SCN4B: variants seen among roughly 807,000 people sequenced by gnomAD.
SCN4B encodes sodium channel regulatory subunit beta-4.
SCN4B carries 20 observed loss-of-function variants against 19.6 expected under a neutral mutation model. The observed-to-expected ratio is 1.02, with a 90% CI of 0.72 to 1.48. The LOEUF is 1.48. Ranked by LOEUF, SCN4B falls within the 40% of genes most tolerant of loss-of-function variation. The pLI is 0.00. For synonymous variants in SCN4B, 127 were observed against 122.8 expected (o/e 1.03, Z -0.22); for missense variants, 271 against 287.5 (o/e 0.94, Z 0.42).
intron 1 of SCN4B, among the ~76,000 whole-genome samples, chr11:118,150,298 G>T (rs1349025983): frequency 6.6e-6 from 1 of 152,148 alleles, no homozygotes; most frequent in Non-Finnish European, 1.5e-5. Flanking sequence ...TTTAAGAAAA[G>T]GGTATTTTGT....
At chr11:118,144,315 C>T (rs1261980053) in intron 2 of SCN4B, among the ~76,000 whole-genome samples, 3 of 152,192 alleles carry the variant, frequency 2.0e-5, no homozygotes, top group Non-Finnish European at 4.4e-5. Flanking sequence ...GAATGCAGCA[C>T]AGCTCTTACT....
At position 118,137,041 on chromosome 11, in the gene SCN4B, G is replaced by A. The variant is rs1352900290; in HGVS notation, c.673C>T (p.Pro225Ser). ...CGAAGCAGGGCTCACACTTTTGAAG[G>A]TGGTTTCTCCTCTGCCTTGGAGCCA... is the stretch of plus-strand genomic sequence containing the variant. ...LPGSKAEEKP[P>S]SKV The change falls in exon 5 of 5, where the codon CCT becomes TCT. Residue 225 changes from proline (P) to serine (S), a missense_variant. Physicochemically the swap from Pro to Ser is moderately conservative, Grantham distance 74. Coordinates refer to ENST00000324727, the MANE Select transcript of SCN4B (RefSeq NM_174934.4). 1 of 1,613,340 alleles carries A rather than the reference G, an allele frequency of 6.2e-7. No individual in the cohort carries two copies.
At chr11:118,146,053 C>A (rs1948170139) in intron 1 of SCN4B, among the ~76,000 whole-genome samples, 1 of 152,038 alleles carries the variant, frequency 6.6e-6, no homozygotes, top group Admixed American at 6.5e-5. Context: ...CCGGGCCAGC[C>A]CGAGTGCACG....
Position 118,134,140 on chromosome 11 carries a change from G to T in SCN4B, c.*2887C>A, listed in dbSNP as rs1947958008. The T allele has an allele frequency of 2.2e-6, 1 of 454,300 alleles. No homozygotes were observed. Among genetic ancestry groups the T allele is most frequent in the Non-Finnish European group, 4.4e-6 (1 of 226,798 alleles). The allele number at this position is 454,300 out of a possible 1,614,324, so 28.1% of individuals were successfully genotyped here. ...GAGCCCCATCGGCTGCTCTCCCCAG[G>T]CCTCTCTAACATCAGGGGTTTATTC... On this transcript the variant is annotated 3_prime_UTR_variant, in exon 5 of 5. Transcript: ENST00000324727.
intron 1 of SCN4B, 121 bp from the exon 2 acceptor site, chr11:118,145,350 A>G: frequency 6.4e-7 from 1 of 1,552,586 alleles, no homozygotes; most frequent in Non-Finnish European, 8.7e-7. Flanking sequence ...CCTCAGTGCC[A>G]ACCTCGGGAG....
intron 2 of SCN4B, among the ~76,000 whole-genome samples, chr11:118,144,431 A>G (rs1213717916): frequency 6.6e-6 from 1 of 152,032 alleles, no homozygotes; most frequent in South Asian, 2.1e-4. Flanking sequence ...CACCTGCCCA[A>G]CTGAATTTTG....
intron 1 of SCN4B, 109 bp downstream of exon 1, chr11:118,152,504 C>T: frequency 1.1e-6 from 1 of 929,268 alleles, no homozygotes; most frequent in African/African-American, 1.6e-5. Context: ...ATCCTCATTC[C>T]GTGCCGCACT....
rs1390526501 is a variant in SCN4B, at chr11:118,134,564, T to C, written c.*2463A>G. On this transcript the variant is annotated 3_prime_UTR_variant, in exon 5 of 5. Transcript: ENST00000324727. Reference sequence around the variant, plus strand: ...GCAACCAAAAATGCCCCCCCTACAATCTCAGTCACCTCTATTGAAAACCAT... The same window carrying C: ...GCAACCAAAAATGCCCCCCCTACAACCTCAGTCACCTCTATTGAAAACCAT... 6.6e-6 allele frequency: 3 copies of C among 453,962 alleles called. No individual in the cohort carries two copies. The highest frequency in any genetic ancestry group is 1.3e-5 in the Non-Finnish European group (3 of 226,790). 28.1% of individuals were successfully genotyped at this position (453,962 alleles called of 1,614,324 possible).
At chr11:118,138,808 A>G (rs1013005330) in intron 4 of SCN4B, among the ~76,000 whole-genome samples, 6 of 152,220 alleles carry the variant, frequency 3.9e-5, no homozygotes, top group Admixed American at 2.0e-4. Flanking sequence ...ACCAAGAAAG[A>G]TGAGCAGGAA....
chr11:118,141,447 CG>C (rs992286637), intron 3 of SCN4B, 111 bp from the exon 4 acceptor site: 1 of 1,338,646 alleles, frequency 7.5e-7, no homozygotes, highest in Non-Finnish European at 1.0e-6. Context: ...CCCTGGCATC[CG>C]GGGCACATCC....
At chr11:118,150,811 A>T (rs937209929) in intron 1 of SCN4B, among the ~76,000 whole-genome samples, 2 of 152,164 alleles carry the variant, frequency 1.3e-5, no homozygotes, top group Non-Finnish European at 2.9e-5. Flanking sequence ...GCTCAGACCA[A>T]TGCCCCTGTG....
rs1333445561 is a variant in SCN4B, at chr11:118,133,467, C to T, written c.*3560G>A. 8.8e-6 allele frequency: 4 copies of T among 453,444 alleles called. No homozygotes were observed. Among genetic ancestry groups the T allele is most frequent in the Non-Finnish European group, 1.8e-5 (4 of 226,332 alleles). The allele number at this position is 453,444 out of a possible 1,614,324, so 28.1% of individuals were successfully genotyped here. A position where few individuals can be genotyped will look rare whatever the true frequency, so the allele number is the denominator to read the frequency against. On this transcript the variant is annotated 3_prime_UTR_variant, in exon 5 of 5. Coordinates refer to ENST00000324727, the MANE Select transcript of SCN4B (RefSeq NM_174934.4). Reference sequence around the variant, plus strand: ...TTGTAGAGGCCAGACTGATTATATCCGTTCTGTGCTCGAACACAAGTCAGT... The same window carrying T: ...TTGTAGAGGCCAGACTGATTATATCTGTTCTGTGCTCGAACACAAGTCAGT...
chr11:118,144,002 A>C lies in SCN4B; in HGVS notation c.294T>G (p.Asp98Glu). The C allele has an allele frequency of 6.2e-7, 1 of 1,614,198 alleles. No homozygotes were observed. The highest frequency in any genetic ancestry group is 8.5e-7 in the Non-Finnish European group (1 of 1,180,016). ...KSDPKVTLKD[D>E]DRITLVGSTK... ...TAGAGCCTACCAGAGTGATGCGGTC[A>C]TCGTCTTTCAACGTCACCTTGGGGT... is the stretch of plus-strand genomic sequence containing the variant. Residue 98 changes from aspartate to glutamate, a missense_variant, in exon 3 of 5, where the codon GAT (aspartate) becomes GAG (glutamate). Asp to Glu is a conservative substitution (Grantham distance 45). Coordinates refer to ENST00000324727, the MANE Select transcript of SCN4B (RefSeq NM_174934.4).
intron 1 of SCN4B, chr11:118,145,816 G>A (rs1948166768): frequency 1.5e-5 from 3 of 194,494 alleles, no homozygotes; most frequent in Admixed American, 5.3e-5. Flanking sequence ...GTCCCCAGGG[G>A]CAGAGAGGCA....
At chr11:118,145,545 C>T in intron 1 of SCN4B, 1 of 1,175,324 alleles carries the variant, frequency 8.5e-7, no homozygotes, top group Non-Finnish European at 1.1e-6. Context: ...CCCGGCTCCG[C>T]CCCTCACCTG....
chr11:118,145,271 C>T, intron 1 of SCN4B, 42 bp from the exon 2 acceptor site: 1 of 1,612,836 alleles, frequency 6.2e-7, no homozygotes, highest in Non-Finnish European at 8.5e-7. Context: ...ACCCCACCAG[C>T]CTGGAGCTCT....
At position 118,136,127 on chromosome 11, in the gene SCN4B, G is replaced by A; in HGVS notation, c.*900C>T. 2.2e-6 allele frequency: 1 copy of A among 452,780 alleles called. No individual in the cohort carries two copies. The highest frequency in any genetic ancestry group is 4.4e-6 in the Non-Finnish European group (1 of 226,220). The allele number at this position is 452,780 out of a possible 1,614,324, so 28.0% of individuals were successfully genotyped here. A position where few individuals can be genotyped will look rare whatever the true frequency, so the allele number is the denominator to read the frequency against. On this transcript the variant is annotated 3_prime_UTR_variant, in exon 5 of 5. Transcript: ENST00000324727. ...GCAGGGGAGAGCTGGGCTCAGGAGT[G>A]CCCAGAGTGGCGATGGTCCTGCCAT...
Position 118,136,092 on chromosome 11 carries a change from A to AGGGGGAGAAGCG in SCN4B, c.*934_*935insCGCTTCTCCCCC. ...TGGAGGGTGCAGCCTCTCAGGTAGG[A>AGGGGGAGAAGCG]GGGGGAGAAGCAGGGGAGAGCTGGG... On this transcript the variant is annotated 3_prime_UTR_variant, in exon 5 of 5. Coordinates refer to ENST00000324727, the MANE Select transcript of SCN4B (RefSeq NM_174934.4). 1 of 424,180 alleles carries AGGGGGAGAAGCG rather than the reference A, an allele frequency of 2.4e-6. No homozygotes were observed. The highest frequency in any genetic ancestry group is 4.6e-6 in the Non-Finnish European group (1 of 215,222). 26.3% of individuals were successfully genotyped at this position (424,180 alleles called of 1,614,324 possible). A position where few individuals can be genotyped will look rare whatever the true frequency, so the allele number is the denominator to read the frequency against.
At position 118,134,072 on chromosome 11, in the gene SCN4B, C is replaced by T. The variant is rs1211480003; in HGVS notation, c.*2955G>A. 1 of 454,494 alleles carries T rather than the reference C, an allele frequency of 2.2e-6. No individual in the cohort carries two copies. Among genetic ancestry groups the T allele is most frequent in the Non-Finnish European group, 4.4e-6 (1 of 226,804 alleles). The allele number at this position is 454,494 out of a possible 1,614,324, so 28.2% of individuals were successfully genotyped here. On this transcript the variant is annotated 3_prime_UTR_variant, in exon 5 of 5. Transcript: ENST00000324727. Reference sequence around the variant, plus strand: ...CCATCTCACAAGCATGCTCTCAAGCCCTCGCTCCACAAGAGCTCTGATCGG... The same window carrying T: ...CCATCTCACAAGCATGCTCTCAAGCTCTCGCTCCACAAGAGCTCTGATCGG...
Sources: gnomAD v4.1 joint callset for allele counts (sites outside exome capture counted in the v4.1 genomes callset) on GRCh38, gnomAD v4.1.1 for gene constraint, MANE v1.5 for transcripts, NCBI Gene and HGNC (gene_info 2026-07-23, HGNC 2026-07-21) for gene names.